The following DTX1 variants were observed in gnomAD, a reference collection of about 807,000 sequenced individuals.
The protein encoded by DTX1 is E3 ubiquitin-protein ligase DTX1.
In DTX1, 26 loss-of-function variants were observed where a neutral mutation model predicts 57.8. The observed-to-expected ratio is 0.45, with a 90% CI of 0.33 to 0.62. The LOEUF (loss-of-function observed/expected upper bound fraction) is 0.62, where lower values mean the gene tolerates loss of function less well. Ranked by LOEUF, DTX1 falls within the 20% of genes least tolerant of loss-of-function variation. DTX1 has a pLI of 0.02. For synonymous variants in DTX1, 398 were observed against 394.1 expected (o/e 1.01, Z -0.12); for missense variants, 704 against 895.3 (o/e 0.79, Z 2.73).
rs570691978 is a variant in DTX1 at position 113,096,810 on chromosome 12, C to T, written c.1734C>T (p.Asn578=). ...GCGAGTCGGACACCGTGGTGTGGAA[C>T]GAGATCCACCACAAGACCGAGTTTG... is the stretch of plus-strand genomic sequence containing the variant. ...TTGESDTVVW[N]EIHHKTEFGS... is the part of the protein sequence containing the mutation. The change falls in exon 10 of 10, where the codon AAC becomes AAT. Residue 578 remains asparagine, a synonymous_variant. Transcript: ENST00000548759. 9.9e-6 allele frequency: 16 copies of T among 1,613,968 alleles called. No individual in the cohort carries two copies. The highest frequency in any genetic ancestry group is 1.6e-4 in the Middle Eastern group (1 of 6,062).
chr12:113,093,094 A>G lies in DTX1; in HGVS notation c.942-68A>G, dbSNP rs1628639. The stretch of plus-strand genomic sequence containing the variant: ...GGCCCAGGAGCCAGAGACAGAAGGC[A>G]AGCCAGGTCCCCTGACGTCGCTTCG... On this transcript the variant is annotated intron_variant, in intron 3 of 9. Transcript: ENST00000548759. This position sits in a 1 kb window ranked among gnomAD's most constrained non-coding sequence, Gnocchi z 4.2. 1,243,131 of 1,522,866 alleles carry G rather than the reference A, an allele frequency of 0.82. 508,582 individuals are homozygous for G. Among genetic ancestry groups the G allele is most frequent in the African/African-American group, 0.92 (66,748 of 72,534 alleles). The allele number at this position is 1,522,866 out of a possible 1,614,324, so 94.3% of individuals were successfully genotyped here.
chr12:113,066,170 C>T (rs2044702575), intron 2 of DTX1, among the ~76,000 whole-genome samples: 1 of 152,192 alleles, frequency 6.6e-6, no homozygotes, highest in South Asian at 2.1e-4. Flanking sequence ...GAAACAGCTA[C>T]CTCGGGGAAT....
chr12:113,095,753 T>A (rs1006177864), intron 9 of DTX1: 1 of 300,028 alleles, frequency 3.3e-6, no homozygotes, highest in African/African-American at 2.1e-5. Flanking sequence ...GTTGTCTGAT[T>A]TGACTTTCTG....
chr12:113,094,119 GC>G lies in DTX1; in HGVS notation c.1227+21del, dbSNP rs1950268035. 12 of 1,460,200 alleles carry G rather than the reference GC, an allele frequency of 8.2e-6. No individual in the cohort carries two copies. The highest frequency in any genetic ancestry group is 1.7e-4 in the Middle Eastern group (1 of 5,734). 90.5% of individuals were successfully genotyped at this position (1,460,200 alleles called of 1,614,324 possible). ...GATGAGGTGAGGAGGGGATGGGGGG[GC>G]TGGGGGAGGGCCCTGGCATGGAGGG... is the stretch of plus-strand genomic sequence containing the variant. On this transcript the variant is annotated intron_variant, in intron 6 of 9. Transcript: ENST00000548759.
At chr12:113,058,680 G>A (rs1227931836) in intron 2 of DTX1, among the ~76,000 whole-genome samples, 4 of 152,190 alleles carry the variant, frequency 2.6e-5, no homozygotes, top group African/African-American at 9.7e-5. Flanking sequence ...ATCTCTCTGA[G>A]CCTCAGTTTC....
At chr12:113,096,578 A>G (rs1173395991) in intron 9 of DTX1, 137 bp from the exon 10 acceptor site, 3 of 684,002 alleles carry the variant, frequency 4.4e-6, no homozygotes. Context: ...TGGCCAAGCC[A>G]GCAGTACGTA....
In DTX1 at chr12:113,093,534, C is replaced by T. The variant is rs755944021; in HGVS notation, c.1004-5C>T. On this transcript the variant is annotated splice_polypyrimidine_tract_variant and splice_region_variant and intron_variant, in intron 4 of 9. Coordinates refer to ENST00000548759, the MANE Select transcript of DTX1 (RefSeq NM_004416.3). This position sits in a 1 kb window ranked among gnomAD's most constrained non-coding sequence, Gnocchi z 4.2. ...CGCCCTGTGACTGCGCCCCCTAACC[C>T]CCAGGGATGACCGGGATACTGCTGT... is the stretch of plus-strand genomic sequence containing the variant. 45 of 1,602,836 alleles carry T rather than the reference C, an allele frequency of 2.8e-5. No homozygotes were observed. In the African/African-American group the frequency reaches 5.8e-4, roughly 21 times the overall value.
At chr12:113,064,298 T>C (rs1331304952) in intron 2 of DTX1, among the ~76,000 whole-genome samples, 2 of 152,246 alleles carry the variant, frequency 1.3e-5, no homozygotes, top group Non-Finnish European at 2.9e-5. Flanking sequence ...CAACCACCAG[T>C]CACGCTGTCT....
intron 2 of DTX1, among the ~76,000 whole-genome samples, chr12:113,060,901 G>A (rs2044659625): frequency 6.6e-6 from 1 of 152,102 alleles, no homozygotes; most frequent in Non-Finnish European, 1.5e-5. Flanking sequence ...CCGGGACCTA[G>A]CTGGGTTGGG....
At position 113,077,873 on chromosome 12, in the gene DTX1, C is replaced by T. The variant is rs1419697354; in HGVS notation, c.709C>T (p.Pro237Ser). ...PPAPPLPPPP[P>S]PGGPPGALAV... ...CGCGCCCCCGCTGCCGCCGCCGCCG[C>T]CACCTGGAGGGCCTCCAGGCGCGCT... Residue 237 changes from proline (P) to serine (S), a missense_variant, in exon 3 of 10, where the codon CCA becomes TCA. By Grantham distance (74) the Pro-to-Ser change is moderately conservative. Transcript: ENST00000548759. This position sits in a 1 kb window ranked among gnomAD's most constrained non-coding sequence, Gnocchi z 7.8. The T allele has an allele frequency of 1.5e-5, 20 of 1,304,766 alleles. No individual in the cohort carries two copies. Among genetic ancestry groups the T allele is most frequent in the Non-Finnish European group, 1.8e-5 (19 of 1,036,696 alleles). The allele number at this position is 1,304,766 out of a possible 1,614,324, so 80.8% of individuals were successfully genotyped here.
At position 113,077,031 on chromosome 12, in the gene DTX1, G is replaced by C. The variant is rs1426676512; in HGVS notation, c.260-393G>C. Among the ~76,000 whole-genome samples the C allele has an allele frequency of 1.3e-5, 2 of 151,988 alleles. No homozygotes were observed. Among genetic ancestry groups the C allele is most frequent in the African/African-American group, 4.8e-5 (2 of 41,380 alleles). On this transcript the variant is annotated intron_variant, in intron 2 of 9. Transcript: ENST00000548759. The surrounding 1 kb of genome is among the most constrained non-coding windows in gnomAD (Gnocchi z 7.8). ...GGCCCTGGAGAGGTGGAGGGTGGGGGAGCCCTCCACACCTTGCTGGTTTCC... is the reference window on the plus strand; with the variant it reads ...GGCCCTGGAGAGGTGGAGGGTGGGGCAGCCCTCCACACCTTGCTGGTTTCC...
rs1325054631 is a variant in DTX1, at chr12:113,057,812, G to A, written c.-381G>A. 6 of 208,014 alleles carry A rather than the reference G, an allele frequency of 2.9e-5. No individual in the cohort carries two copies. Among genetic ancestry groups the A allele is most frequent in the Middle Eastern group, 3.8e-3 (2 of 524 alleles). 12.9% of individuals were successfully genotyped at this position (208,014 alleles called of 1,614,324 possible). A position where few individuals can be genotyped will look rare whatever the true frequency, so the allele number is the denominator to read the frequency against. On this transcript the variant is annotated 5_prime_UTR_variant, in exon 2 of 10. Coordinates refer to ENST00000548759, the MANE Select transcript of DTX1 (RefSeq NM_004416.3). ...GCCTCCTGGGTGACAGGCCCTGTCT[G>A]GCGGGGAAGAGGGACCAAGAGACAA...
At chr12:113,089,279 A>G (rs1182161685) in intron 3 of DTX1, among the ~76,000 whole-genome samples, 1 of 152,174 alleles carries the variant, frequency 6.6e-6, no homozygotes, top group Non-Finnish European at 1.5e-5. Context: ...GGGCCAGATC[A>G]GGAGGCCAGG....
rs1404532581 is a variant in DTX1, at chr12:113,097,854, T to G, written c.*915T>G. 1.3e-5 allele frequency: 2 copies of G among 152,744 alleles called. No individual in the cohort carries two copies. The allele number at this position is 152,744 out of a possible 1,614,324, so 9.5% of individuals were successfully genotyped here. A position where few individuals can be genotyped will look rare whatever the true frequency, so the allele number is the denominator to read the frequency against. On this transcript the variant is annotated 3_prime_UTR_variant, in exon 10 of 10. Transcript: ENST00000548759. Reference sequence around the variant, plus strand: ...CGTTGGGAGTGGGCAGTGGGGTGGCTAATTGTCTTCGGCCAACCAGGGGCC... The same window carrying G: ...CGTTGGGAGTGGGCAGTGGGGTGGCGAATTGTCTTCGGCCAACCAGGGGCC...
Position 113,086,525 on chromosome 12 carries a change from C to T in DTX1, c.942-6637C>T, listed in dbSNP as rs865925588. ...CAGCAGGGCTGTGTGTTGGGAGAGA[C>T]GGGTGGGACTGTTTTAACAGGTTCA... is the stretch of plus-strand genomic sequence containing the variant. On this transcript the variant is annotated intron_variant, in intron 3 of 9. Transcript: ENST00000548759. Among the ~76,000 whole-genome samples the T allele has an allele frequency of 1.2e-4, 18 of 152,222 alleles. No individual in the cohort carries two copies. The South Asian group carries it at 1.7e-3, about 14-fold the overall frequency.
Position 113,072,696 on chromosome 12 carries a change from C to CTTT in DTX1, c.260-4705_260-4703dup, listed in dbSNP as rs60642403. On this transcript the variant is annotated intron_variant, in intron 2 of 9. Coordinates refer to ENST00000548759, the MANE Select transcript of DTX1 (RefSeq NM_004416.3). ...ATTTGCACAAGACCTGAGAGATTTT[C>CTTT]TTTTTTTTTTTTTTTTTTTTTTTTT... 5.8e-3 allele frequency among the ~76,000 whole-genome samples: 409 copies of CTTT among 71,102 alleles called. 2 individuals carry two copies. Among genetic ancestry groups the CTTT allele is most frequent in the Middle Eastern group, 0.017 (1 of 58 alleles). 46.6% of individuals were successfully genotyped at this position (71,102 alleles called of 152,430 possible).
chr12:113,078,142 G>C, intron 3 of DTX1, 37 bp downstream of exon 3: 2 of 1,314,930 alleles, frequency 1.5e-6, no homozygotes, highest in Non-Finnish European at 1.9e-6. Context: ...CCTCTGCGTC[G>C]TCCGCAGGCA....
chr12:113,097,000 C>A lies in DTX1; in HGVS notation c.*61C>A. The A allele has an allele frequency of 6.6e-7, 1 of 1,506,592 alleles. No individual in the cohort carries two copies. The highest frequency in any genetic ancestry group is 1.3e-5 in the South Asian group (1 of 78,530). 93.3% of individuals were successfully genotyped at this position (1,506,592 alleles called of 1,614,324 possible). A position where few individuals can be genotyped will look rare whatever the true frequency, so the allele number is the denominator to read the frequency against. ...CCTGGTCCGGCAAATGCCTCCTTCGCCAGGTGTGTCCTGGTAGCCCAGGTT... is the reference window on the plus strand; with the variant it reads ...CCTGGTCCGGCAAATGCCTCCTTCGACAGGTGTGTCCTGGTAGCCCAGGTT... On this transcript the variant is annotated 3_prime_UTR_variant, in exon 10 of 10. Transcript: ENST00000548759.
intron 2 of DTX1, among the ~76,000 whole-genome samples, chr12:113,063,850 C>T (rs528144155): frequency 2.6e-5 from 4 of 152,176 alleles, no homozygotes; most frequent in South Asian, 2.1e-4. Context: ...TTCCCATCAC[C>T]GGGGAAAACA....
Sources: allele counts gnomAD v4.1 joint callset (sites outside exome capture counted in the v4.1 genomes callset), GRCh38; gene constraint gnomAD v4.1.1; non-coding constraint Gnocchi (gnomAD v3.1); transcripts MANE v1.5; gene names NCBI Gene and HGNC (gene_info 2026-07-23, HGNC 2026-07-21).